CNTNAP2: variants seen among roughly 807,000 people sequenced by gnomAD.
The protein encoded by CNTNAP2 is contactin-associated protein-like 2.
CNTNAP2 carries 98 observed loss-of-function variants against 155.2 expected under a neutral mutation model. That is an observed-to-expected ratio of 0.63 (90% CI 0.54 to 0.75). CNTNAP2 has a LOEUF of 0.75. Among genes scored for constraint, CNTNAP2 ranks in the 30% least tolerant of loss-of-function variants. CNTNAP2 has a pLI of 0.00. For missense variants in CNTNAP2, 1,727 were observed against 1,688.1 expected (o/e 1.02, Z -0.40); for synonymous variants, 651 against 631.2 (o/e 1.03, Z -0.47).
intron 8 of CNTNAP2, among the ~76,000 whole-genome samples, chr7:147,289,338 G>A (rs1228202424): frequency 2.0e-5 from 3 of 151,908 alleles, no homozygotes; most frequent in African/African-American, 7.3e-5. Flanking sequence ...CCTCCTTGAA[G>A]CCAACAATAG....
intron 11 of CNTNAP2, among the ~76,000 whole-genome samples, chr7:147,512,585 A>G (rs1231585592): frequency 6.6e-6 from 1 of 152,202 alleles, no homozygotes; most frequent in East Asian, 1.9e-4. Flanking sequence ...TTAAAAATAC[A>G]TTAGCTTAAA....
intron 1 of CNTNAP2, among the ~76,000 whole-genome samples, chr7:146,336,074 C>A (rs1394731019): frequency 6.6e-6 from 1 of 151,786 alleles, no homozygotes; most frequent in South Asian, 2.1e-4. Context: ...TGGCACATGC[C>A]TGTAATCCCA....
intron 1 of CNTNAP2, among the ~76,000 whole-genome samples, chr7:146,261,012 G>T (rs1328873979): frequency 6.6e-6 from 1 of 152,108 alleles, no homozygotes; most frequent in Admixed American, 6.5e-5. Context: ...GTTTCTCCCA[G>T]GCTGTTCTTG....
intron 1 of CNTNAP2, among the ~76,000 whole-genome samples, chr7:146,578,200 C>T (rs1007826866): frequency 3.9e-5 from 6 of 151,984 alleles, no homozygotes; most frequent in Non-Finnish European, 8.8e-5. Flanking sequence ...AGAAAGTAAA[C>T]CCAACAACGT....
At chr7:146,569,314 C>T (rs1007340126) in intron 1 of CNTNAP2, among the ~76,000 whole-genome samples, 1 of 152,154 alleles carries the variant, frequency 6.6e-6, no homozygotes, top group Admixed American at 6.5e-5. Flanking sequence ...CCGCCGCGCC[C>T]GGCCTCTCTG....
chr7:147,147,091 C>A (rs1801721336), intron 8 of CNTNAP2, among the ~76,000 whole-genome samples: 1 of 152,122 alleles, frequency 6.6e-6, no homozygotes, highest in Non-Finnish European at 1.5e-5. Flanking sequence ...GGGAAACTTA[C>A]AATCATGGCA....
intron 1 of CNTNAP2, among the ~76,000 whole-genome samples, chr7:146,330,584 T>A (rs1801168950): frequency 1.3e-5 from 2 of 152,176 alleles, no homozygotes; most frequent in African/African-American, 4.8e-5. Context: ...TTTAAAGTGC[T>A]CAAGAAAAGC....
At chr7:146,905,887 C>A (rs376121952) in intron 3 of CNTNAP2, among the ~76,000 whole-genome samples, 1 of 152,190 alleles carries the variant, frequency 6.6e-6, no homozygotes, top group African/African-American at 2.4e-5. Context: ...TCTGAGGTAC[C>A]GGGTTCATCT....
chr7:147,776,209 C>T (rs975908488), intron 13 of CNTNAP2, among the ~76,000 whole-genome samples: 3 of 147,520 alleles, frequency 2.0e-5, no homozygotes, highest in African/African-American at 7.5e-5. Context: ...TCTATGAATA[C>T]AAAGAACTGG....
intron 21 of CNTNAP2, among the ~76,000 whole-genome samples, chr7:148,379,536 T>C (rs1295526663): frequency 1.3e-5 from 2 of 151,502 alleles, no homozygotes; most frequent in Non-Finnish European, 2.9e-5. Context: ...AAACCCCGCC[T>C]CTACAAAAAA....
At chr7:147,246,735 A>T (rs559982192) in intron 8 of CNTNAP2, among the ~76,000 whole-genome samples, 4 of 152,322 alleles carry the variant, frequency 2.6e-5, no homozygotes, top group Non-Finnish European at 5.9e-5. Flanking sequence ...AGCAACTTAA[A>T]TGTAAATCTC....
At chr7:147,044,149 C>G (rs1799311900) in intron 4 of CNTNAP2, 95 bp downstream of exon 4, 2 of 1,404,742 alleles carry the variant, frequency 1.4e-6, no homozygotes, top group Non-Finnish European at 2.0e-6. Flanking sequence ...CTTGCTTTCT[C>G]TGACAATAAA....
chr7:147,110,069 C>T (rs1023353275), intron 5 of CNTNAP2, among the ~76,000 whole-genome samples: 1 of 152,038 alleles, frequency 6.6e-6, no homozygotes, highest in Non-Finnish European at 1.5e-5. Flanking sequence ...GGATTACAGG[C>T]ACCTACCACC....
At chr7:147,743,600 T>C (rs1302159792) in intron 13 of CNTNAP2, among the ~76,000 whole-genome samples, 1 of 152,154 alleles carries the variant, frequency 6.6e-6, no homozygotes, top group Non-Finnish European at 1.5e-5. Flanking sequence ...GGTAATTGCG[T>C]TTCTGCTTTA....
intron 1 of CNTNAP2, among the ~76,000 whole-genome samples, chr7:146,547,107 A>T (rs970914748): frequency 2.0e-4 from 30 of 152,024 alleles, no homozygotes; most frequent in African/African-American, 6.0e-4. Context: ...CCCAAATTTC[A>T]CAGGTGTACA....
At chr7:148,140,556 C>T (rs141987100) in intron 16 of CNTNAP2, among the ~76,000 whole-genome samples, 2 of 152,024 alleles carry the variant, frequency 1.3e-5, no homozygotes, top group East Asian at 3.9e-4. Context: ...CCCAAGTAGC[C>T]AGATTACAGG....
rs528262553 is a variant in CNTNAP2 at position 147,106,879 on chromosome 7, G to A, written c.551-1268G>A. 9.1e-4 allele frequency among the ~76,000 whole-genome samples: 139 copies of A among 152,212 alleles called. 1 individual carries two copies. The highest frequency in any genetic ancestry group is 2.5e-3 in the African/African-American group (105 of 41,554). ...TACAAGGCAAACCAAAGTGTTCCTC[G>A]TGGTGATTGGAGTAAACAAGTGCCA... On this transcript the variant is annotated intron_variant, in intron 4 of 23. Transcript: ENST00000361727.
At chr7:146,153,807 A>C (rs1337796545) in intron 1 of CNTNAP2, among the ~76,000 whole-genome samples, 2 of 152,184 alleles carry the variant, frequency 1.3e-5, no homozygotes, top group African/African-American at 4.8e-5. Context: ...TCGTATGAAT[A>C]ATACGTAACA....
rs138325006 is a variant in CNTNAP2 at position 147,294,915 on chromosome 7, C to A, written c.1349-5226C>A. On this transcript the variant is annotated intron_variant, in intron 8 of 23. Transcript: ENST00000361727. ...CCTCAGGTAATCCACCCGCCTCGGC[C>A]TCCCATAGTGCTGGGATTGCAGGTG... Among the ~76,000 whole-genome samples the A allele has an allele frequency of 4.6e-5, 7 of 152,242 alleles. No homozygotes were observed. In the East Asian group the frequency reaches 1.4e-3, roughly 29 times the overall value.
Sources: gnomAD v4.1 joint callset for allele counts (sites outside exome capture counted in the v4.1 genomes callset) on GRCh38, gnomAD v4.1.1 for gene constraint, MANE v1.5 for transcripts, NCBI Gene and HGNC (gene_info 2026-07-23, HGNC 2026-07-21) for gene names.